Variants in AR observed in about 807,000 individuals in gnomAD.
AR encodes the protein androgen receptor.
A neutral mutation model predicts 53.9 loss-of-function variants in AR; 8 were observed. The observed-to-expected ratio is 0.15, with a 90% CI of 0.09 to 0.27. The LOEUF is 0.27. AR is among the 10% of genes least tolerant of loss of function. The probability of loss-of-function intolerance (pLI) is 1.00; values close to 1 mark genes in which losing one functional copy is unlikely to be tolerated. For synonymous variants in AR, 359 were observed against 316.4 expected (o/e 1.13, Z -1.43); for missense variants, 639 against 742.5 (o/e 0.86, Z 1.62).
chrX:67,723,518 CTA>C (rs1381860316), intron 7 of AR, among the ~76,000 whole-genome samples, 166 bp from the exon 8 acceptor site: 2 of 43,727 alleles, frequency 4.6e-5, no homozygotes, highest in Admixed American at 3.4e-4. Flanking sequence ...CTGTCTCTCT[CTA>C]ACACACACAC....
chrX:67,627,545 G>A (rs920722775), intron 1 of AR, among the ~76,000 whole-genome samples: 59 of 110,377 alleles, frequency 5.3e-4, no homozygotes, highest in Non-Finnish European at 9.8e-4. Flanking sequence ...TTTGTCAGAT[G>A]AGTACGTTGC....
chrX:67,711,874 A>C (rs1185703706), intron 4 of AR, among the ~76,000 whole-genome samples, 185 bp downstream of exon 4: 1 of 112,214 alleles, frequency 8.9e-6, no homozygotes, highest in Non-Finnish European at 1.9e-5. Flanking sequence ...CTCAGAAAGC[A>C]AAGAGAAAGA....
chrX:67,643,450 T>C, intron 2 of AR, 43 bp downstream of exon 2: 1 of 1,177,822 alleles, frequency 8.5e-7, no homozygotes, highest in Non-Finnish European at 1.1e-6. Flanking sequence ...CTTTCTCCTT[T>C]ACCTTCCAGA....
intron 1 of AR, among the ~76,000 whole-genome samples, chrX:67,587,699 A>G (rs1922616298): frequency 9.0e-6 from 1 of 111,522 alleles, no homozygotes; most frequent in Non-Finnish European, 1.9e-5. Context: ...GAAACTGGCT[A>G]GATTTGGGTT....
At chrX:67,684,093 A>G (rs2075952395) in intron 2 of AR, among the ~76,000 whole-genome samples, 1 of 111,576 alleles carries the variant, frequency 9.0e-6, no homozygotes, top group Non-Finnish European at 1.9e-5. Flanking sequence ...TCAGTAATCA[A>G]TGTAACAAGC....
At position 67,546,377 on chromosome X, in the gene AR, C is replaced by T. The variant is rs2147320854; in HGVS notation, c.1231C>T (p.Leu411=). The T allele has an allele frequency of 4.2e-6, 5 of 1,183,335 alleles. No individual in the cohort carries two copies. Among genetic ancestry groups the T allele is most frequent in the Non-Finnish European group, 5.7e-6 (5 of 881,943 alleles). ...AAAAQCRYGD[L]ASLHGAGAAG... ...GGCGGCGCAGTGCCGCTATGGGGAC[C>T]TGGCGAGCCTGCATGGCGCGGGTGC... is the stretch of plus-strand genomic sequence containing the variant. Residue 411 remains leucine (L), a synonymous_variant, in exon 1 of 8, where the codon CTG becomes TTG. Coordinates refer to ENST00000374690, the MANE Select transcript of AR (RefSeq NM_000044.6).
chrX:67,669,407 C>T lies in AR; in HGVS notation c.1769-16603C>T, dbSNP rs143352447. Among the ~76,000 whole-genome samples, 327 of 111,528 alleles carry T rather than the reference C, an allele frequency of 2.9e-3. 1 individual carries two copies. The highest frequency in any genetic ancestry group is 0.01 in the African/African-American group (311 of 30,809). Reference sequence around the variant, plus strand: ...TATTCCATTGTGGTCAGAGAAGAAGCTTGATATGAATGCAATTGTTAATAA... The same window carrying T: ...TATTCCATTGTGGTCAGAGAAGAAGTTTGATATGAATGCAATTGTTAATAA... On this transcript the variant is annotated intron_variant, in intron 2 of 7. Coordinates refer to ENST00000374690, the MANE Select transcript of AR (RefSeq NM_000044.6).
At chrX:67,707,097 T>C (rs1406591042) in intron 3 of AR, among the ~76,000 whole-genome samples, 2 of 111,881 alleles carry the variant, frequency 1.8e-5, no homozygotes, top group Non-Finnish European at 3.8e-5. Flanking sequence ...ATAGGTGTGG[T>C]GTGGTGCTGA....
At chrX:67,592,787 G>A (rs138023330) in intron 1 of AR, among the ~76,000 whole-genome samples, 2,961 of 110,358 alleles carry the variant, frequency 0.027, 102 homozygotes, top group African/African-American at 0.091. Context: ...TAAAAGGAAC[G>A]GTTAGATACC....
intron 3 of AR, among the ~76,000 whole-genome samples, chrX:67,708,684 G>A (rs1470729159): frequency 2.7e-5 from 3 of 112,348 alleles, no homozygotes; most frequent in Non-Finnish European, 1.9e-5. Flanking sequence ...TGCTGGTGAG[G>A]AGCTGTGTTC....
chrX:67,730,212 A>G lies in AR; in HGVS notation c.*6371A>G, dbSNP rs1423132199. 1 of 173,011 alleles carries G rather than the reference A, an allele frequency of 5.8e-6. No individual in the cohort carries two copies. Among genetic ancestry groups the G allele is most frequent in the Non-Finnish European group, 1.1e-5 (1 of 91,016 alleles). 14.3% of individuals were successfully genotyped at this position (173,011 alleles called of 1,213,427 possible). On this transcript the variant is annotated 3_prime_UTR_variant, in exon 8 of 8. Transcript: ENST00000374690. The stretch of plus-strand genomic sequence containing the variant: ...AGAGAGAGAAAGAAAGCATCACACA[A>G]AGATTTTCTTAAAAGAAACAATTTT...
At chrX:67,602,412 C>G (rs1487598799) in intron 1 of AR, among the ~76,000 whole-genome samples, 1 of 111,971 alleles carries the variant, frequency 8.9e-6, no homozygotes, top group African/African-American at 3.2e-5. Context: ...TGATATCACT[C>G]CCTTGATTAG....
intron 1 of AR, among the ~76,000 whole-genome samples, chrX:67,630,768 C>T (rs1233741389): frequency 4.5e-5 from 5 of 110,282 alleles, no homozygotes; most frequent in African/African-American, 6.6e-5. Flanking sequence ...GATTTTGCAG[C>T]GGCTGGTACC....
intron 2 of AR, among the ~76,000 whole-genome samples, chrX:67,670,764 T>A (rs977207566): frequency 2.7e-5 from 3 of 110,368 alleles, no homozygotes; most frequent in Admixed American, 1.9e-4. Context: ...CCCCACTCCC[T>A]GACAGGCCCT....
intron 2 of AR, among the ~76,000 whole-genome samples, chrX:67,661,858 T>C (rs1300631174): frequency 9.0e-6 from 1 of 111,729 alleles, no homozygotes; most frequent in Non-Finnish European, 1.9e-5. Context: ...AGTTATATCC[T>C]CAATTTCAGA....
chrX:67,695,788 C>T (rs1272501428), intron 3 of AR: 26 of 704,279 alleles, frequency 3.7e-5, no homozygotes, highest in African/African-American at 7.4e-5. Context: ...CTCTCTCTCT[C>T]CCCCCCCAAC....
At position 67,545,985 on chromosome X, in the gene AR, G is replaced by T. The variant is rs754015263; in HGVS notation, c.839G>T (p.Arg280Leu). ...CTTTTGGGAGTTCCACCCGCTGTGC[G>T]TCCCACTCCTTGTGCCCCATTGGCC... ...APLLGVPPAV[R>L]PTPCAPLAEC... The change falls in exon 1 of 8, where the codon CGT becomes CTT. Residue 280 changes from arginine (R) to leucine (L), a missense_variant. By Grantham distance (102) the Arg-to-Leu change is moderately radical. Coordinates refer to ENST00000374690, the MANE Select transcript of AR (RefSeq NM_000044.6). The T allele has an allele frequency of 1.6e-6, 2 of 1,212,353 alleles. No individual in the cohort carries two copies. Among genetic ancestry groups the T allele is most frequent in the Non-Finnish European group, 1.1e-6 (1 of 895,636 alleles).
chrX:67,639,074 A>T (rs1925607516), intron 1 of AR, among the ~76,000 whole-genome samples: 1 of 111,906 alleles, frequency 8.9e-6, no homozygotes, highest in African/African-American at 3.3e-5. Flanking sequence ...TAAATAGGGA[A>T]TCCTTTCCCC....
intron 1 of AR, among the ~76,000 whole-genome samples, chrX:67,603,570 C>T (rs1171969099): frequency 9.0e-6 from 1 of 111,420 alleles, no homozygotes; most frequent in Non-Finnish European, 1.9e-5. Context: ...TGGGATAATT[C>T]AATAGTTCAG....
Sources: gnomAD v4.1 joint callset for allele counts (sites outside exome capture counted in the v4.1 genomes callset) on GRCh38, gnomAD v4.1.1 for gene constraint, MANE v1.5 for transcripts, NCBI Gene and HGNC (gene_info 2026-07-23, HGNC 2026-07-21) for gene names.